DCTN3: variants seen among roughly 807,000 people sequenced by gnomAD.
DCTN3 encodes the protein dynactin 3 (p22).
DCTN3 carries 25 observed loss-of-function variants against 28.4 expected under a neutral mutation model. The ratio of observed to expected loss-of-function variants is 0.88; its 90% CI spans 0.64 to 1.23. The LOEUF (loss-of-function observed/expected upper bound fraction) is 1.23, where lower values mean the gene tolerates loss of function less well. Among genes scored for constraint, DCTN3 ranks in the 50% most tolerant of loss-of-function variants. DCTN3 has a pLI of 0.00. For synonymous variants in DCTN3, 81 were observed against 91.4 expected (o/e 0.89, Z 0.65); for missense variants, 229 against 232.0 (o/e 0.99, Z 0.08).
At chr9:34,619,052 T>G (rs1820491381) in intron 1 of DCTN3, among the ~76,000 whole-genome samples, 1 of 152,212 alleles carries the variant, frequency 6.6e-6, no homozygotes, top group Non-Finnish European at 1.5e-5. Flanking sequence ...TCCTAAGTCC[T>G]GGGTTTGGGC....
chr9:34,614,212 C>T (rs141163586), intron 5 of DCTN3, 111 bp from the exon 6 acceptor site: 41 of 1,595,316 alleles, frequency 2.6e-5, no homozygotes, highest in African/African-American at 2.6e-4. Flanking sequence ...AAAAAGATGA[C>T]GCTTAACCCC....
rs1820530760 is a variant in DCTN3, at chr9:34,620,429, G to A, written c.36C>T (p.Ala12=). ...CCCAGCGCTCCAGCTCTTCCACTCG[G>A]GCCTGTAGCCGCTGCAAGTCAGTCA... ...AGLTDLQRLQ[A]RVEELERWVY... The change falls in exon 1 of 7, where the codon GCC becomes GCT. Residue 12 remains alanine (A), a synonymous_variant. Transcript: ENST00000259632. 2 of 1,560,588 alleles carry A rather than the reference G, an allele frequency of 1.3e-6. No homozygotes were observed. Among genetic ancestry groups the A allele is most frequent in the African/African-American group, 1.4e-5 (1 of 73,454 alleles).
chr9:34,620,440 G>C lies in DCTN3; in HGVS notation c.25C>G (p.Arg9Gly). The C allele has an allele frequency of 3.9e-6, 6 of 1,555,908 alleles. No individual in the cohort carries two copies. Among genetic ancestry groups the C allele is most frequent in the Non-Finnish European group, 5.2e-6 (6 of 1,150,544 alleles). Reference sequence around the variant, plus strand: ...AGCTCTTCCACTCGGGCCTGTAGCCGCTGCAAGTCAGTCAGACCCGCCATC... The same window carrying C: ...AGCTCTTCCACTCGGGCCTGTAGCCCCTGCAAGTCAGTCAGACCCGCCATC... Reference protein sequence around the residue: MAGLTDLQRLQARVEELER... With the variant: MAGLTDLQGLQARVEELER... Residue 9 changes from arginine to glycine, a missense_variant, in exon 1 of 7, where the codon CGG becomes GGG. Physicochemically the swap from Arg to Gly is moderately radical, Grantham distance 125. Transcript: ENST00000259632.
At chr9:34,614,601 T>C in intron 5 of DCTN3, 109 bp downstream of exon 5, 1 of 1,292,212 alleles carries the variant, frequency 7.7e-7, no homozygotes, top group Non-Finnish European at 1.1e-6. Context: ...CCAAAGTTTC[T>C]GCTGAGGTTA....
At chr9:34,618,785 C>G in intron 1 of DCTN3, 25 bp from the exon 2 acceptor site, 1 of 1,569,954 alleles carries the variant, frequency 6.4e-7, no homozygotes, top group Non-Finnish European at 8.8e-7. Context: ...GTGGTTAATT[C>G]CAAGATATAC....
At chr9:34,618,637 G>T in intron 2 of DCTN3, 39 bp downstream of exon 2, 1 of 1,517,348 alleles carries the variant, frequency 6.6e-7, no homozygotes, top group South Asian at 1.1e-5. Context: ...GCTGAGGGGT[G>T]GGATGTCGGG....
At chr9:34,618,206 C>T (rs1031207672) in intron 2 of DCTN3, among the ~76,000 whole-genome samples, 1 of 152,110 alleles carries the variant, frequency 6.6e-6, no homozygotes, top group African/African-American at 2.4e-5. Context: ...ACACAATTGC[C>T]ACCACCACTC....
At chr9:34,618,837 TCC>T in intron 1 of DCTN3, 77 bp from the exon 2 acceptor site, 2 of 1,139,608 alleles carry the variant, frequency 1.8e-6, no homozygotes, top group South Asian at 1.2e-5. Flanking sequence ...ACCCTCATTC[TCC>T]CAGACTCTCA....
rs1451111923 is a variant in DCTN3, at chr9:34,618,677, C to T, written c.180G>A (p.Lys60=). 1.2e-6 allele frequency: 2 copies of T among 1,613,648 alleles called. No individual in the cohort carries two copies. Among genetic ancestry groups the T allele is most frequent in the African/African-American group, 2.7e-5 (2 of 74,922 alleles). The change falls in exon 2 of 7, where the codon AAG becomes AAA. Residue 60 remains lysine, a splice_region_variant and synonymous_variant. Coordinates refer to ENST00000259632, the MANE Select transcript of DCTN3 (RefSeq NM_007234.5). ...CAGGCACATCATGGAAGCACTTACT[C>T]TTTTTGTAGAGAATCTTCACCCTCT... ...KRERVKILYK[K]IEDLIKYLDP...
At chr9:34,618,596 G>T in intron 2 of DCTN3, 80 bp downstream of exon 2, 1 of 1,064,496 alleles carries the variant, frequency 9.4e-7, no homozygotes, top group Non-Finnish European at 1.5e-6. Flanking sequence ...GTGACCTAAT[G>T]AACTGAAGGG....
intron 1 of DCTN3, among the ~76,000 whole-genome samples, chr9:34,619,398 T>C (rs1310250982): frequency 3.3e-5 from 5 of 152,140 alleles, no homozygotes; most frequent in African/African-American, 1.2e-4. Flanking sequence ...GACATGTAAA[T>C]AGTAATTGAC....
chr9:34,618,754 C>T lies in DCTN3; in HGVS notation c.103G>A (p.Asp35Asn). ...GGARGSRKVA[D>N]GLVKVQVALG... The stretch of plus-strand genomic sequence containing the variant: ...GCCACCTGCACCTTGACCAGGCCGT[C>T]AGCCACCTGTAAGGGAAGTGGTGGT... Residue 35 changes from aspartate to asparagine, a missense_variant, in exon 2 of 7, where the codon GAC (aspartate) becomes AAC (asparagine). Transcript: ENST00000259632. 3 of 1,614,066 alleles carry T rather than the reference C, an allele frequency of 1.9e-6. No homozygotes were observed. Among genetic ancestry groups the T allele is most frequent in the Non-Finnish European group, 2.5e-6 (3 of 1,179,888 alleles).
At chr9:34,617,581 C>G (rs1320523549) in intron 3 of DCTN3, 2 of 1,230,952 alleles carry the variant, frequency 1.6e-6, no homozygotes, top group Admixed American at 5.8e-5. Context: ...AGAAGCTCCT[C>G]TGTCTAGTGA....
In DCTN3 at chr9:34,614,334, T is replaced by TC. The variant is rs527883241; in HGVS notation, c.412-234dup. On this transcript the variant is annotated intron_variant, in intron 5 of 6. Coordinates refer to ENST00000259632, the MANE Select transcript of DCTN3 (RefSeq NM_007234.5). ...GAGTGGCCATACATTAAGTAAACAT[T>TC]CCCCCTAGTGTATGTCTCTTCTTCT... The TC allele has an allele frequency of 2.0e-5, 17 of 838,708 alleles. 2 individuals are homozygous for TC. In the Admixed American group the frequency reaches 3.5e-4, roughly 17 times the overall value. 52.0% of individuals were successfully genotyped at this position (838,708 alleles called of 1,614,324 possible).
rs757840840 is a variant in DCTN3 at position 34,620,377 on chromosome 9, A to G, written c.88T>C (p.Ser30Pro). The change falls in exon 1 of 7, where the codon TCA (serine) becomes CCA (proline). Residue 30 changes from serine (S) to proline (P), a missense_variant. Transcript: ENST00000259632. Reference sequence around the variant, plus strand: ...CGGACCAGACTACTCACCTTCCGTGAGCCGCGCGCCCCGCCCGGCCCGTAC... The same window carrying G: ...CGGACCAGACTACTCACCTTCCGTGGGCCGCGCGCCCCGCCCGGCCCGTAC... ...WVYGPGGARG[S>P]RKVADGLVKV... The G allele has an allele frequency of 4.3e-6, 7 of 1,610,368 alleles. No individual in the cohort carries two copies. Among genetic ancestry groups the G allele is most frequent in the Admixed American group, 3.4e-5 (2 of 59,660 alleles).
chr9:34,618,013 G>A (rs930682371), intron 2 of DCTN3, 42 bp from the exon 3 acceptor site: 1 of 1,586,966 alleles, frequency 6.3e-7, no homozygotes, highest in Non-Finnish European at 8.6e-7. Flanking sequence ...GGGTTGGGCA[G>A]TAGAGCTCTG....
chr9:34,615,308 G>C (rs1237483721), intron 4 of DCTN3: 2 of 153,216 alleles, frequency 1.3e-5, no homozygotes, highest in Non-Finnish European at 2.9e-5. Flanking sequence ...ATGGATATCT[G>C]GATTCAATTA....
chr9:34,619,698 G>A (rs1479206562), intron 1 of DCTN3, among the ~76,000 whole-genome samples: 1 of 152,200 alleles, frequency 6.6e-6, no homozygotes, highest in Non-Finnish European at 1.5e-5. Flanking sequence ...TCCTCATTTA[G>A]TGTACAAACA....
intron 1 of DCTN3, 115 bp from the exon 2 acceptor site, chr9:34,618,875 G>A: frequency 1.3e-6 from 1 of 798,688 alleles, no homozygotes; most frequent in Non-Finnish European, 2.2e-6. Flanking sequence ...AATCTAGGTT[G>A]GCCTCCCTTC....
Sources: gnomAD v4.1 joint callset for allele counts (sites outside exome capture counted in the v4.1 genomes callset) on GRCh38, gnomAD v4.1.1 for gene constraint, MANE v1.5 for transcripts, NCBI Gene and HGNC (gene_info 2026-07-23, HGNC 2026-07-21) for gene names.